Variants in ESRRG observed in about 807,000 individuals in gnomAD.
ESRRG encodes estrogen related receptor gamma.
A neutral mutation model predicts 44.0 loss-of-function variants in ESRRG; 13 were observed. That is an observed-to-expected ratio of 0.30 (90% confidence interval 0.19 to 0.47). The LOEUF (loss-of-function observed/expected upper bound fraction) is 0.47. Ranked by LOEUF, ESRRG falls within the 20% of genes least tolerant of loss-of-function variation. The probability of loss-of-function intolerance (pLI) is 1.00; values close to 1 mark genes in which losing one functional copy is unlikely to be tolerated. For missense variants in ESRRG, 395 were observed against 580.6 expected, an observed-to-expected ratio of 0.68 and a Z score of 3.29; for synonymous variants, 215 against 214.6, an observed-to-expected ratio of 1.00 and a Z score of -0.02.
chr1:216,723,256 T>C lies in ESRRG; in HGVS notation c.44A>G (p.His15Arg). 6.2e-7 allele frequency: 1 copy of C among 1,613,722 alleles called. No homozygotes were observed. The highest frequency in any genetic ancestry group is 8.5e-7 in the Non-Finnish European group (1 of 1,179,896). Residue 15 changes from histidine to arginine, a missense_variant, in exon 1 of 7, where the codon CAC (histidine) becomes CGC (arginine). By Grantham distance (29) the His-to-Arg change is conservative. Transcript: ENST00000408911. ...ELCLPESFSL[H>R]YEEELLCRMS... is the part of the protein sequence containing the mutation. The stretch of plus-strand genomic sequence containing the variant: ...AAAAGGTACCTACTCTTCCTCGTAG[T>C]GCAGGGAAAAAGATTCAGGAAGGCA...
intron 2 of ESRRG, among the ~76,000 whole-genome samples, chr1:216,805,557 T>C (rs1284815955): frequency 6.6e-5 from 10 of 152,294 alleles, no homozygotes; most frequent in African/African-American, 2.4e-4. Flanking sequence ...GAGATTGACA[T>C]GTGCTGTTGT....
chr1:217,042,978 C>T (rs931622046), intron 1 of ESRRG, among the ~76,000 whole-genome samples: 4 of 152,090 alleles, frequency 2.6e-5, no homozygotes, highest in Admixed American at 1.3e-4. Flanking sequence ...CCTCTTTACT[C>T]GGTGGCCTGA....
At chr1:216,583,163 T>C (rs1435341412) in intron 3 of ESRRG, among the ~76,000 whole-genome samples, 1 of 152,076 alleles carries the variant, frequency 6.6e-6, no homozygotes, top group Non-Finnish European at 1.5e-5. Flanking sequence ...TTACATAGGG[T>C]GAAAAAATGA....
intron 1 of ESRRG, among the ~76,000 whole-genome samples, chr1:216,701,808 G>A (rs571543781): frequency 6.6e-6 from 1 of 152,248 alleles, no homozygotes; most frequent in South Asian, 2.1e-4. Context: ...AAGCAACATG[G>A]ATGCTACTAT....
chr1:217,128,851 G>T (rs2092923163), intron 1 of ESRRG, among the ~76,000 whole-genome samples: 1 of 152,062 alleles, frequency 6.6e-6, no homozygotes, highest in East Asian at 1.9e-4. Context: ...GTCTTTTCAT[G>T]GATGTGTAAT....
intron 2 of ESRRG, among the ~76,000 whole-genome samples, chr1:216,869,782 T>C (rs1314985383): frequency 6.6e-6 from 1 of 152,030 alleles, no homozygotes; most frequent in Non-Finnish European, 1.5e-5. Context: ...ATTAAATGTA[T>C]AACTATATAT....
At chr1:217,100,715 A>C (rs2092498161) in intron 1 of ESRRG, among the ~76,000 whole-genome samples, 1 of 152,158 alleles carries the variant, frequency 6.6e-6, no homozygotes, top group African/African-American at 2.4e-5. Context: ...AGCACATCAC[A>C]TGGCGAGAGT....
At chr1:216,535,944 C>G (rs1402709724) in intron 5 of ESRRG, among the ~76,000 whole-genome samples, 1 of 152,072 alleles carries the variant, frequency 6.6e-6, no homozygotes, top group Non-Finnish European at 1.5e-5. Flanking sequence ...TGCATCTCAG[C>G]TCTATCATAC....
At chr1:216,849,118 T>A (rs1477646629) in intron 2 of ESRRG, among the ~76,000 whole-genome samples, 1 of 152,192 alleles carries the variant, frequency 6.6e-6, no homozygotes. Context: ...GAATTTTTGG[T>A]AATTAAAATA....
At chr1:216,930,533 C>T (rs994700318) in intron 2 of ESRRG, among the ~76,000 whole-genome samples, 1 of 152,168 alleles carries the variant, frequency 6.6e-6, no homozygotes, top group Non-Finnish European at 1.5e-5. Context: ...TAAGTTTAGT[C>T]TTCTAGTCTT....
At chr1:216,623,957 T>C (rs1007393962) in intron 3 of ESRRG, among the ~76,000 whole-genome samples, 5 of 151,832 alleles carry the variant, frequency 3.3e-5, no homozygotes, top group African/African-American at 1.2e-4. Context: ...AGTGGGATCA[T>C]TATTTATGAC....
intron 1 of ESRRG, among the ~76,000 whole-genome samples, chr1:216,690,252 C>A (rs2078813247): frequency 6.6e-6 from 1 of 151,138 alleles, no homozygotes; most frequent in African/African-American, 2.4e-5. Flanking sequence ...GAAATATATA[C>A]CTGTGTGTGG....
chr1:216,766,594 T>A (rs578096870), intron 2 of ESRRG, among the ~76,000 whole-genome samples: 1 of 151,918 alleles, frequency 6.6e-6, no homozygotes, highest in South Asian at 2.1e-4. Context: ...AAAAAAAAAA[T>A]ATCTCAACAC....
intron 1 of ESRRG, among the ~76,000 whole-genome samples, chr1:217,024,567 A>G (rs2080900320): frequency 6.6e-6 from 1 of 152,042 alleles, no homozygotes; most frequent in Non-Finnish European, 1.5e-5. Flanking sequence ...ATCATTCAAA[A>G]TCACCGTCAA....
intron 1 of ESRRG, among the ~76,000 whole-genome samples, chr1:217,026,912 C>CACAGAGAGAGAG (rs1255637839): frequency 1.5e-4 from 14 of 93,468 alleles, no homozygotes; most frequent in African/African-American, 4.8e-4. Flanking sequence ...CACACACACA[C>CACAGAGAGAGAG]AGAGAGAGAG....
At chr1:216,821,422 C>T (rs981522847) in intron 2 of ESRRG, among the ~76,000 whole-genome samples, 1 of 151,946 alleles carries the variant, frequency 6.6e-6, no homozygotes, top group African/African-American at 2.4e-5. Context: ...ACGGTGGCTC[C>T]TGTCTGTAAT....
chr1:216,520,199 T>C (rs1405528088), intron 5 of ESRRG, among the ~76,000 whole-genome samples: 1 of 152,260 alleles, frequency 6.6e-6, no homozygotes, highest in South Asian at 2.1e-4. Flanking sequence ...AAATACTGGC[T>C]CCACTTAGCT....
At chr1:216,580,797 T>C (rs986062251) in intron 3 of ESRRG, among the ~76,000 whole-genome samples, 11 of 152,170 alleles carry the variant, frequency 7.2e-5, no homozygotes, top group African/African-American at 2.7e-4. Context: ...ATACTTCATA[T>C]CTTAAATCAG....
intron 5 of ESRRG, among the ~76,000 whole-genome samples, chr1:216,543,724 T>C (rs1311363670): frequency 6.6e-6 from 1 of 152,008 alleles, no homozygotes; most frequent in Non-Finnish European, 1.5e-5. Flanking sequence ...ATGAACAGGG[T>C]TGAAACAGTA....
Sources: allele counts gnomAD v4.1 joint callset (sites outside exome capture counted in the v4.1 genomes callset), GRCh38; gene constraint gnomAD v4.1.1; transcripts MANE v1.5; gene names NCBI Gene and HGNC (gene_info 2026-07-23, HGNC 2026-07-21).